The following ASTN2 variants were observed in gnomAD, a reference collection of about 807,000 sequenced individuals.
ASTN2 encodes the protein astrotactin-2.
A neutral mutation model predicts 139.8 loss-of-function variants in ASTN2; 54 were observed. The observed-to-expected ratio is 0.39, with a 90% CI of 0.31 to 0.48. ASTN2 has a LOEUF of 0.48. ASTN2 is among the 20% of genes least tolerant of loss of function. The pLI, the probability that ASTN2 is intolerant of heterozygous loss-of-function variation, is 0.95. For missense variants in ASTN2, 1,565 were observed against 1,725.1 expected (o/e 0.91, Z 1.64); for synonymous variants, 756 against 719.5 (o/e 1.05, Z -0.81).
intron 19 of ASTN2, chr9:116,582,047 G>A (rs1198598119): frequency 6.6e-6 from 1 of 152,222 alleles, no homozygotes; most frequent in Non-Finnish European, 1.5e-5. Context: ...CATTGACCTT[G>A]AGGAATGTGT....
chr9:117,159,332 A>G (rs1317820355), intron 3 of ASTN2, among the ~76,000 whole-genome samples: 1 of 152,028 alleles, frequency 6.6e-6, no homozygotes, highest in Non-Finnish European at 1.5e-5. Flanking sequence ...AAATGCCAGC[A>G]TAGACTATCC....
At chr9:116,513,906 C>A (rs528302753) in intron 19 of ASTN2, among the ~76,000 whole-genome samples, 1 of 151,850 alleles carries the variant, frequency 6.6e-6, no homozygotes, top group Non-Finnish European at 1.5e-5. Flanking sequence ...TTCTTCTAAT[C>A]TTTTTTCAAG....
At chr9:117,262,337 C>A (rs1833841970) in intron 2 of ASTN2, among the ~76,000 whole-genome samples, 1 of 152,148 alleles carries the variant, frequency 6.6e-6, no homozygotes, top group South Asian at 2.1e-4. Flanking sequence ...TTATTAATTT[C>A]ATCTCCTACC....
Position 116,599,968 on chromosome 9 carries a change from CTCCTAG to C in ASTN2, c.3355+18350_3355+18355del. ...TAAACCCTAGTCCTATAGCCTGGAT[CTCCTAG>C]TCCACACCTTGATGCCACACAGAAT... On this transcript the variant is annotated intron_variant, in intron 19 of 22. Transcript: ENST00000313400. Among the ~76,000 whole-genome samples, 3 of 152,252 alleles carry C rather than the reference CTCCTAG, an allele frequency of 2.0e-5. No individual in the cohort carries two copies. In the Middle Eastern group the frequency reaches 0.01, roughly 518 times the overall value.
At chr9:116,722,631 TG>T (rs35678817) in intron 16 of ASTN2, among the ~76,000 whole-genome samples, 1 of 152,160 alleles carries the variant, frequency 6.6e-6, no homozygotes, top group Non-Finnish European at 1.5e-5. Flanking sequence ...CCTCCTGTAA[TG>T]GGGGAAGTGA....
At chr9:117,155,210 T>G (rs547279592) in intron 3 of ASTN2, among the ~76,000 whole-genome samples, 1 of 152,100 alleles carries the variant, frequency 6.6e-6, no homozygotes, top group South Asian at 2.1e-4. Context: ...TTGGCCCTGG[T>G]TAAAACTGGC....
intron 11 of ASTN2, among the ~76,000 whole-genome samples, chr9:116,858,565 C>A (rs1386588474): frequency 6.6e-6 from 1 of 152,154 alleles, no homozygotes; most frequent in East Asian, 1.9e-4. Flanking sequence ...GTTTATACTG[C>A]CACACAGAAT....
chr9:116,515,699 C>G (rs1019734668), intron 19 of ASTN2, among the ~76,000 whole-genome samples: 1 of 152,188 alleles, frequency 6.6e-6, no homozygotes, highest in Admixed American at 6.5e-5. Flanking sequence ...CCAAAGGCCA[C>G]CTGACTCCTT....
At chr9:117,271,211 G>A (rs1336471142) in intron 2 of ASTN2, among the ~76,000 whole-genome samples, 1 of 152,154 alleles carries the variant, frequency 6.6e-6, no homozygotes, top group Non-Finnish European at 1.5e-5. Context: ...AGGGTGAAAG[G>A]CTCTTCTTAC....
chr9:117,269,583 C>T (rs1003189299), intron 2 of ASTN2, among the ~76,000 whole-genome samples: 1 of 152,170 alleles, frequency 6.6e-6, no homozygotes, highest in Non-Finnish European at 1.5e-5. Context: ...GCTTGAAGAA[C>T]ATCCAGCTGA....
At position 117,291,311 on chromosome 9, in the gene ASTN2, C is replaced by T. The variant is rs772589271; in HGVS notation, c.630+15G>A. ...ACGCAATCCCCGACCCCGGTCACAT[C>T]CCCCCATCACTCACCATCACAGAAA... On this transcript the variant is annotated intron_variant, in intron 2 of 22. Transcript: ENST00000313400. 7 of 1,610,316 alleles carry T rather than the reference C, an allele frequency of 4.3e-6. No individual in the cohort carries two copies. The highest frequency in any genetic ancestry group is 5.1e-6 in the Non-Finnish European group (6 of 1,178,282).
chr9:116,758,569 G>A (rs1014430109), intron 13 of ASTN2, among the ~76,000 whole-genome samples: 1 of 152,210 alleles, frequency 6.6e-6, no homozygotes, highest in Admixed American at 6.5e-5. Context: ...TTTGCAGATT[G>A]TGCCACAGCT....
chr9:117,206,420 C>T (rs752694971), intron 3 of ASTN2, among the ~76,000 whole-genome samples: 2 of 152,184 alleles, frequency 1.3e-5, no homozygotes, highest in Non-Finnish European at 2.9e-5. Context: ...GTTTAAAGAG[C>T]CACCAAGAAT....
chr9:117,099,055 C>T (rs13283031), intron 4 of ASTN2, among the ~76,000 whole-genome samples: 28,001 of 147,708 alleles, frequency 0.19, 2,967 homozygotes, highest in East Asian at 0.31. Context: ...TGCAGTGAGC[C>T]GAGATCAAGC....
chr9:116,626,544 C>T (rs1162451115), intron 17 of ASTN2, among the ~76,000 whole-genome samples: 1 of 151,948 alleles, frequency 6.6e-6, no homozygotes, highest in African/African-American at 2.4e-5. Flanking sequence ...GCCTAAATTA[C>T]CTTGAAGCCA....
At position 116,651,662 on chromosome 9, in the gene ASTN2, T is replaced by G. The variant is rs1168546065; in HGVS notation, c.2938A>C (p.Lys980Gln). Residue 980 changes from lysine to glutamine, a missense_variant, in exon 17 of 23, where the codon AAG (lysine) becomes CAG (glutamine). Coordinates refer to ENST00000313400, the MANE Select transcript of ASTN2 (RefSeq NM_001365068.1). Reference sequence around the variant, plus strand: ...TGACAGGTAGATGGACAGCGCCCCTTCTCCTCACAGCGAATCTCCACACCT... The same window carrying G: ...TGACAGGTAGATGGACAGCGCCCCTGCTCCTCACAGCGAATCTCCACACCT... ...ISGVEIRCEEKGRCPSTCHLC... is the reference protein window; with the variant it reads ...ISGVEIRCEEQGRCPSTCHLC... 1 of 1,614,064 alleles carries G rather than the reference T, an allele frequency of 6.2e-7. No individual in the cohort carries two copies. The highest frequency in any genetic ancestry group is 1.1e-5 in the South Asian group (1 of 91,070).
chr9:116,948,410 G>C (rs924560642), intron 10 of ASTN2, among the ~76,000 whole-genome samples: 1 of 152,092 alleles, frequency 6.6e-6, no homozygotes, highest in Non-Finnish European at 1.5e-5. Flanking sequence ...AATTTGACCA[G>C]TGGCAGTGTC....
At chr9:117,120,018 G>GTATGTA (rs1554780401) in intron 4 of ASTN2, among the ~76,000 whole-genome samples, 1 of 46,000 alleles carries the variant, frequency 2.2e-5, no homozygotes, top group Admixed American at 3.0e-4. Context: ...GTGTGTGTGT[G>GTATGTA]TATATATATA....
rs2132246949 is a variant in ASTN2 at position 116,805,798 on chromosome 9, C to A, written c.2230G>T (p.Ala744Ser). Reference protein sequence around the residue: ...FCGCVEEYKLAPDGKSCLMLS... With the variant: ...FCGCVEEYKLSPDGKSCLMLS... ...ATTAAGCAGGATTTTCCATCAGGAG[C>A]CAGTTTGTACTCCTCCACGCAACTG... Residue 744 changes from alanine to serine, a missense_variant, in exon 13 of 23, where the codon GCT becomes TCT. Transcript: ENST00000313400. The A allele has an allele frequency of 6.2e-7, 1 of 1,613,734 alleles. No individual in the cohort carries two copies. The highest frequency in any genetic ancestry group is 1.1e-5 in the South Asian group (1 of 91,030).
Sources: gnomAD v4.1 joint callset for allele counts (sites outside exome capture counted in the v4.1 genomes callset) on GRCh38, gnomAD v4.1.1 for gene constraint, MANE v1.5 for transcripts, NCBI Gene and HGNC (gene_info 2026-07-23, HGNC 2026-07-21) for gene names.